The following GRIP1 variants were observed in gnomAD, a reference collection of about 807,000 sequenced individuals.
GRIP1 encodes the protein glutamate receptor-interacting protein 1.
Under a neutral mutation model 129.9 loss-of-function variants are expected in GRIP1, and 45 were observed. That is an observed-to-expected ratio of 0.35 (90% confidence interval 0.27 to 0.44). GRIP1 has a LOEUF of 0.44. Among genes scored for constraint, GRIP1 ranks in the 20% least tolerant of loss-of-function variants. GRIP1 has a pLI of 1.00. For missense variants in GRIP1, 1,196 were observed against 1,396.8 expected (o/e 0.86, Z 2.29); for synonymous variants, 530 against 520.8 (o/e 1.02, Z -0.24).
chr12:66,531,538 T>A (rs901296743), intron 4 of GRIP1, among the ~76,000 whole-genome samples: 58 of 151,984 alleles, frequency 3.8e-4, no homozygotes, highest in African/African-American at 1.4e-3. Context: ...TAAAGTACAA[T>A]AAAAATTTGG....
chr12:66,954,942 G>A (rs923446160), intron 1 of GRIP1, among the ~76,000 whole-genome samples: 3 of 152,206 alleles, frequency 2.0e-5, no homozygotes, highest in Admixed American at 1.3e-4. Context: ...CATTTGCAAA[G>A]AGGGTGGCCG....
At chr12:66,499,675 A>G (rs1384470229) in intron 7 of GRIP1, among the ~76,000 whole-genome samples, 3 of 152,156 alleles carry the variant, frequency 2.0e-5, no homozygotes, top group South Asian at 2.1e-4. Context: ...TTATTAGAAT[A>G]GAGGTATTTC....
chr12:66,745,723 G>GA (rs1231739300), intron 1 of GRIP1, among the ~76,000 whole-genome samples: 1 of 152,156 alleles, frequency 6.6e-6, no homozygotes, highest in African/African-American at 2.4e-5. Context: ...CAAAATGTAA[G>GA]AAAAGGTCAG....
At chr12:67,059,264 G>A (rs1328241170) in intron 1 of GRIP1, among the ~76,000 whole-genome samples, 2 of 152,172 alleles carry the variant, frequency 1.3e-5, no homozygotes, top group African/African-American at 4.8e-5. Context: ...AAAAGGCCTC[G>A]GTAGAAGGTC....
intron 2 of GRIP1, among the ~76,000 whole-genome samples, chr12:66,584,836 G>A (rs189681740): frequency 1.6e-4 from 24 of 151,732 alleles, no homozygotes; most frequent in African/African-American, 3.1e-4. Flanking sequence ...CTCTCTCTGC[G>A]CCTTGAACAT....
chr12:66,723,239 T>TCTCC lies in GRIP1; in HGVS notation c.-420+80813_-420+80814insGGAG, dbSNP rs1555230329. ...CTTTCTTTCTTTCTCTCTCTCTCTCTCTTCCTTCCTTCCTTCCTTCCTTCC... is the reference window on the plus strand; with the variant it reads ...CTTTCTTTCTTTCTCTCTCTCTCTCTCTCCCTTCCTTCCTTCCTTCCTTCCTTCC... On this transcript the variant is annotated intron_variant, in intron 1 of 4. Transcript: ENST00000538373. Among the ~76,000 whole-genome samples, 92 of 23,558 alleles carry TCTCC rather than the reference T, an allele frequency of 3.9e-3. 5 individuals are homozygous for TCTCC. Among genetic ancestry groups the TCTCC allele is most frequent in the East Asian group, 0.028 (19 of 674 alleles). 15.5% of individuals were successfully genotyped at this position (23,558 alleles called of 152,430 possible). A position where few individuals can be genotyped will look rare whatever the true frequency, so the allele number is the denominator to read the frequency against.
At chr12:66,418,375 C>T (rs2057684155) in intron 15 of GRIP1, among the ~76,000 whole-genome samples, 1 of 152,136 alleles carries the variant, frequency 6.6e-6, no homozygotes, top group Non-Finnish European at 1.5e-5. Flanking sequence ...GGACATTGCT[C>T]TGGGCAAATA....
intron 1 of GRIP1, among the ~76,000 whole-genome samples, chr12:66,811,571 G>A (rs980166028): frequency 2.0e-5 from 3 of 151,838 alleles, no homozygotes; most frequent in South Asian, 2.1e-4. Flanking sequence ...TCTATTTCCC[G>A]GAATTCATTC....
chr12:66,946,526 T>C (rs911616541), intron 1 of GRIP1, among the ~76,000 whole-genome samples: 1 of 151,964 alleles, frequency 6.6e-6, no homozygotes, highest in Non-Finnish European at 1.5e-5. Flanking sequence ...ACCAGGAGTG[T>C]ATTATTCTTC....
intron 1 of GRIP1, among the ~76,000 whole-genome samples, chr12:66,655,131 C>T (rs2033065146): frequency 6.6e-6 from 1 of 152,258 alleles, no homozygotes; most frequent in African/African-American, 2.4e-5. Flanking sequence ...TACTCTGGAT[C>T]AACTTCTCCA....
intron 1 of GRIP1, among the ~76,000 whole-genome samples, chr12:66,964,956 C>G (rs1240545931): frequency 6.6e-6 from 1 of 152,078 alleles, no homozygotes; most frequent in Non-Finnish European, 1.5e-5. Flanking sequence ...CAAATTTCCT[C>G]TTCTCATGAG....
intron 17 of GRIP1, 33 bp downstream of exon 17, chr12:66,394,175 A>G: frequency 6.3e-7 from 1 of 1,599,542 alleles, no homozygotes; most frequent in Non-Finnish European, 8.6e-7. Context: ...CGTCTCAGAC[A>G]CAGGTAATTA....
chr12:66,812,484 G>C (rs376467034), intron 1 of GRIP1, among the ~76,000 whole-genome samples: 2 of 152,100 alleles, frequency 1.3e-5, no homozygotes, highest in East Asian at 3.9e-4. Context: ...TCGTCTGTTT[G>C]TTCATTTATT....
At chr12:66,521,860 T>C (rs900084170) in intron 5 of GRIP1, among the ~76,000 whole-genome samples, 26 of 152,304 alleles carry the variant, frequency 1.7e-4, no homozygotes, top group Middle Eastern at 3.4e-3. Flanking sequence ...TTATATCCCG[T>C]ACCTGGCTTG....
At chr12:66,613,823 G>C (rs373608330) in intron 1 of GRIP1, among the ~76,000 whole-genome samples, 1 of 152,142 alleles carries the variant, frequency 6.6e-6, no homozygotes, top group African/African-American at 2.4e-5. Flanking sequence ...GTGCAAGGAT[G>C]AAATAAAATG....
At chr12:66,809,740 G>C (rs534554877) in intron 1 of GRIP1, among the ~76,000 whole-genome samples, 1 of 150,536 alleles carries the variant, frequency 6.6e-6, no homozygotes, top group East Asian at 2.0e-4. Flanking sequence ...GCTCACTACA[G>C]CCTCCACCTC....
At chr12:66,955,815 A>C (rs1267396312) in intron 1 of GRIP1, among the ~76,000 whole-genome samples, 3 of 152,188 alleles carry the variant, frequency 2.0e-5, no homozygotes, top group African/African-American at 7.2e-5. Context: ...CCTATACTAC[A>C]TTATTTAACA....
chr12:66,541,847 T>C lies in GRIP1; in HGVS notation c.240A>G (p.Val80=), dbSNP rs886049799. 8.1e-6 allele frequency: 13 copies of C among 1,614,104 alleles called. No individual in the cohort carries two copies. Among genetic ancestry groups the C allele is most frequent in the Non-Finnish European group, 1.1e-5 (13 of 1,179,932 alleles). ...CAATTCCTCCTTGCCGCAGATTAGATACTCTTGGCTTGCCATCCTTATCAA... is the reference window on the plus strand; with the variant it reads ...CAATTCCTCCTTGCCGCAGATTAGACACTCTTGGCTTGCCATCCTTATCAA... The part of the protein sequence containing the change: ...GGIDKDGKPR[V]SNLRQGGIAA... Residue 80 remains valine (V), a synonymous_variant, in exon 3 of 25, where the codon GTA becomes GTG. Transcript: ENST00000359742.
intron 1 of GRIP1, among the ~76,000 whole-genome samples, chr12:66,824,728 C>A (rs1349906495): frequency 6.6e-6 from 1 of 152,088 alleles, no homozygotes; most frequent in Non-Finnish European, 1.5e-5. Context: ...AGCTAAATTT[C>A]ATAGTTCAGA....
Sources: gnomAD v4.1 joint callset for allele counts (sites outside exome capture counted in the v4.1 genomes callset) on GRCh38, gnomAD v4.1.1 for gene constraint, MANE v1.5 for transcripts, NCBI Gene and HGNC (gene_info 2026-07-23, HGNC 2026-07-21) for gene names.